Variants in TRAP1 observed in about 807,000 individuals in gnomAD.
The protein encoded by TRAP1 is heat shock protein 75 kDa, mitochondrial.
In TRAP1, 102 loss-of-function variants were observed where a neutral mutation model predicts 89.1. The observed-to-expected ratio is 1.15, with a 90% CI of 0.98 to 1.35. TRAP1 has a LOEUF of 1.35. Ranked by LOEUF, TRAP1 falls within the 40% of genes most tolerant of loss-of-function variation. The probability of loss-of-function intolerance (pLI) is 0.00; values close to 1 mark genes in which losing one functional copy is unlikely to be tolerated. For missense variants in TRAP1, 1,256 were observed against 945.3 expected (o/e 1.33, Z -4.31); for synonymous variants, 508 against 388.0 (o/e 1.31, Z -3.64).
chr16:3,709,929 C>A (rs879866331), intron 1 of TRAP1, among the ~76,000 whole-genome samples: 35 of 152,172 alleles, frequency 2.3e-4, no homozygotes, highest in African/African-American at 7.7e-4. Context: ...GGATTACAGG[C>A]GTGAGCCACC....
At chr16:3,696,990 C>G (rs1046914763) in intron 1 of TRAP1, among the ~76,000 whole-genome samples, 4 of 152,112 alleles carry the variant, frequency 2.6e-5, no homozygotes, top group Non-Finnish European at 4.4e-5. Context: ...GCCTCCCAAG[C>G]GCTGGGATTA....
At chr16:3,665,318 G>C (rs2050806323) in intron 12 of TRAP1, 1 of 152,232 alleles carries the variant, frequency 6.6e-6, no homozygotes, top group African/African-American at 2.4e-5. Flanking sequence ...TGGGCTCCTG[G>C]GATGAAATGT....
At chr16:3,669,720 C>T (rs1348191591) in intron 11 of TRAP1, among the ~76,000 whole-genome samples, 1 of 151,112 alleles carries the variant, frequency 6.6e-6, no homozygotes, top group East Asian at 1.9e-4. Flanking sequence ...TGTATCCCAG[C>T]TACTCGGGAG....
At chr16:3,685,963 G>T (rs760722177) in intron 4 of TRAP1, 33 bp downstream of exon 4, 1 of 1,604,782 alleles carries the variant, frequency 6.2e-7, no homozygotes, top group African/African-American at 1.3e-5. Context: ...GCATGGCCGG[G>T]CCTGCCACAC....
chr16:3,709,554 C>G (rs1402026974), intron 1 of TRAP1, among the ~76,000 whole-genome samples: 3 of 152,180 alleles, frequency 2.0e-5, no homozygotes, highest in African/African-American at 7.2e-5. Context: ...TACCAGAGCT[C>G]TGTGGCGACA....
intron 11 of TRAP1, among the ~76,000 whole-genome samples, chr16:3,668,280 G>C (rs1014441579): frequency 6.6e-6 from 1 of 151,206 alleles, no homozygotes; most frequent in Non-Finnish European, 1.5e-5. Flanking sequence ...GGCTGGTCTC[G>C]AACTCCTGAC....
intron 1 of TRAP1, among the ~76,000 whole-genome samples, chr16:3,698,844 C>T (rs2051326556): frequency 6.6e-6 from 1 of 151,744 alleles, no homozygotes; most frequent in Non-Finnish European, 1.5e-5. Context: ...CAAGATCACG[C>T]CACTGCATTT....
At chr16:3,712,336 G>GAGACAAGC (rs1273176468) in intron 1 of TRAP1, among the ~76,000 whole-genome samples, 10 of 128,568 alleles carry the variant, frequency 7.8e-5, no homozygotes, top group Non-Finnish European at 1.6e-4. Context: ...TCAGCATTTT[G>GAGACAAGC]AGACAAGCAA....
At chr16:3,659,615 C>T (rs1057064958) in intron 16 of TRAP1, 2 of 152,016 alleles carry the variant, frequency 1.3e-5, no homozygotes, top group East Asian at 1.9e-4. Flanking sequence ...CTGATAAAAC[C>T]GAGGGCTCTG....
chr16:3,706,076 G>A (rs879804801), intron 1 of TRAP1, among the ~76,000 whole-genome samples: 4 of 151,354 alleles, frequency 2.6e-5, no homozygotes, highest in South Asian at 2.1e-4. Context: ...AATTCCCAGG[G>A]TCAAGTGATT....
chr16:3,694,880 T>C (rs1026459809), intron 1 of TRAP1, among the ~76,000 whole-genome samples: 26 of 152,146 alleles, frequency 1.7e-4, no homozygotes, highest in African/African-American at 4.8e-5. Context: ...CTCACAGTCC[T>C]GGAAGCAAGA....
In TRAP1 at chr16:3,690,930, G is replaced by C. The variant is rs745842092; in HGVS notation, c.144C>G (p.Asn48Lys). ...RTTAQLGPRR[N>K]PAWSLQAGRL... is the part of the protein sequence containing the mutation. The stretch of plus-strand genomic sequence containing the variant: ...GTCCTGCCTGCAAGCTCCAGGCTGG[G>C]TTTCGCCTGGGGCCCAACTGGGCTG... The change falls in exon 2 of 18, where the codon AAC becomes AAG. Residue 48 changes from asparagine to lysine, a missense_variant. Asn to Lys is a moderately conservative substitution (Grantham distance 94). Coordinates refer to ENST00000246957, the MANE Select transcript of TRAP1 (RefSeq NM_016292.3). The C allele has an allele frequency of 1.1e-5, 18 of 1,588,858 alleles. No individual in the cohort carries two copies. The Admixed American group carries it at 1.6e-4, about 14-fold the overall frequency.
In TRAP1 at chr16:3,717,426, G is replaced by C. The variant is rs1318401203; in HGVS notation, c.83C>G (p.Pro28Arg). Reference protein sequence around the residue: ...LLRAPALAAVPGGKPILCPRR... With the variant: ...LLRAPALAAVRGGKPILCPRR... The stretch of plus-strand genomic sequence containing the variant: ...TCCAGCCAGGACGCCCTCACCTCCC[G>C]GCACGGCCGCCAGCGCCGGCGCCCG... Residue 28 changes from proline (P) to arginine (R), a missense_variant, in exon 1 of 18, where the codon CCG becomes CGG. By Grantham distance (103) the Pro-to-Arg change is moderately radical. Coordinates refer to ENST00000246957, the MANE Select transcript of TRAP1 (RefSeq NM_016292.3). 1 of 1,238,008 alleles carries C rather than the reference G, an allele frequency of 8.1e-7. No individual in the cohort carries two copies. Among genetic ancestry groups the C allele is most frequent in the East Asian group, 3.3e-5 (1 of 30,664 alleles). 76.7% of individuals were successfully genotyped at this position (1,238,008 alleles called of 1,614,324 possible).
At chr16:3,689,421 G>C (rs933546124) in intron 2 of TRAP1, among the ~76,000 whole-genome samples, 2 of 151,850 alleles carry the variant, frequency 1.3e-5, no homozygotes, top group Non-Finnish European at 2.9e-5. Flanking sequence ...ATTTTTTGTA[G>C]TTTTAGTAGA....
At chr16:3,675,740 C>T (rs1391403117) in intron 7 of TRAP1, among the ~76,000 whole-genome samples, 1 of 152,350 alleles carries the variant, frequency 6.6e-6, no homozygotes, top group South Asian at 2.1e-4. Context: ...GCCACGCCCA[C>T]ATCCTGGGAC....
At chr16:3,675,260 C>T in intron 8 of TRAP1, 64 bp downstream of exon 8, 1 of 1,539,912 alleles carries the variant, frequency 6.5e-7, no homozygotes, top group Non-Finnish European at 9.0e-7. Context: ...CTCTTCTCCG[C>T]TGCCCTGAAA....
At chr16:3,713,942 A>T (rs963214166) in intron 1 of TRAP1, among the ~76,000 whole-genome samples, 2 of 152,316 alleles carry the variant, frequency 1.3e-5, no homozygotes, top group Non-Finnish European at 2.9e-5. Context: ...GCACAAGCTT[A>T]TATCTGACAG....
At chr16:3,707,932 C>T (rs988736718) in intron 1 of TRAP1, among the ~76,000 whole-genome samples, 6 of 151,582 alleles carry the variant, frequency 4.0e-5, no homozygotes, top group Non-Finnish European at 7.4e-5. Flanking sequence ...TGCGTGTAAT[C>T]CCAGTACTTT....
Position 3,690,842 on chromosome 16 carries a change from T to G in TRAP1, c.232A>C (p.Thr78Pro), listed in dbSNP as rs200383817. 98 of 1,537,812 alleles carry G rather than the reference T, an allele frequency of 6.4e-5. No homozygotes were observed. Among genetic ancestry groups the G allele is most frequent in the Non-Finnish European group, 4.4e-6 (5 of 1,140,806 alleles). Residue 78 changes from threonine (T) to proline (P), a missense_variant, in exon 2 of 18, where the codon ACA (threonine) becomes CCA (proline). Transcript: ENST00000246957. ...EEPLHSIISS[T>P]ESVQGSTSKH... ...CCAAGGCTACCCTGCACGCTCTCTG[T>G]GCTGCTGATAATCGAGTGCAGGGGT...
Sources: gnomAD v4.1 joint callset for allele counts (sites outside exome capture counted in the v4.1 genomes callset) on GRCh38, gnomAD v4.1.1 for gene constraint, MANE v1.5 for transcripts, NCBI Gene and HGNC (gene_info 2026-07-23, HGNC 2026-07-21) for gene names.